PDE4D: variants seen among roughly 807,000 people sequenced by gnomAD.
PDE4D encodes the protein phosphodiesterase 4D.
A neutral mutation model predicts 87.4 loss-of-function variants in PDE4D; 24 were observed. That is an observed-to-expected ratio of 0.27 (90% CI 0.20 to 0.39). The LOEUF (loss-of-function observed/expected upper bound fraction) is 0.39. PDE4D is among the 10% of genes least tolerant of loss of function. The pLI, the probability that PDE4D is intolerant of heterozygous loss-of-function variation, is 1.00. For missense variants in PDE4D, 714 were observed against 1,041.0 expected, an observed-to-expected ratio of 0.69 and a Z score of 4.32; for synonymous variants, 384 against 383.2, an observed-to-expected ratio of 1.00 and a Z score of -0.02.
intron 5 of PDE4D, among the ~76,000 whole-genome samples, chr5:59,077,475 CTT>C (rs33910828): frequency 6.4e-4 from 84 of 130,912 alleles, no homozygotes; most frequent in East Asian, 5.1e-3. Flanking sequence ...TTTTTTTCTT[CTT>C]TTTTTTTTTT....
chr5:59,168,290 A>T (rs996577658), intron 5 of PDE4D, among the ~76,000 whole-genome samples: 1 of 152,174 alleles, frequency 6.6e-6, no homozygotes, highest in Non-Finnish European at 1.5e-5. Flanking sequence ...CTGCCCTTTC[A>T]GGCCTTCGTG....
At chr5:60,069,400 C>G (rs1397420201) in intron 2 of PDE4D, among the ~76,000 whole-genome samples, 2 of 152,148 alleles carry the variant, frequency 1.3e-5, no homozygotes, top group Admixed American at 1.3e-4. Context: ...TTTTGGAATT[C>G]CAAACTTCTG....
At chr5:60,316,741 A>G (rs1159663378) in intron 1 of PDE4D, among the ~76,000 whole-genome samples, 1 of 152,178 alleles carries the variant, frequency 6.6e-6, no homozygotes, top group Non-Finnish European at 1.5e-5. Flanking sequence ...ATCTATTGAG[A>G]TAATCATATG....
chr5:59,258,402 C>G (rs1761369292), intron 1 of PDE4D, among the ~76,000 whole-genome samples: 1 of 151,644 alleles, frequency 6.6e-6, no homozygotes, highest in Admixed American at 6.6e-5. Flanking sequence ...TTGGTAAGCT[C>G]CAGGAAGGGA....
At chr5:60,228,508 C>T (rs1221176201) in intron 1 of PDE4D, among the ~76,000 whole-genome samples, 3 of 151,240 alleles carry the variant, frequency 2.0e-5, no homozygotes, top group Admixed American at 1.3e-4. Flanking sequence ...GGGTGCCCCC[C>T]AATGAGCTGT....
intron 4 of PDE4D, among the ~76,000 whole-genome samples, chr5:59,183,308 G>A (rs1311086367): frequency 6.6e-6 from 1 of 152,194 alleles, no homozygotes; most frequent in Admixed American, 6.5e-5. Context: ...ACAAGGCAGA[G>A]AGGAAGTTCA....
chr5:59,458,137 T>C lies in PDE4D; in HGVS notation c.456-242169A>G, dbSNP rs141591515. 1.3e-3 allele frequency among the ~76,000 whole-genome samples: 194 copies of C among 152,342 alleles called. 1 individual carries two copies. Among genetic ancestry groups the C allele is most frequent in the African/African-American group, 4.5e-3 (189 of 41,584 alleles). On this transcript the variant is annotated intron_variant, in intron 1 of 14. Transcript: ENST00000340635. ...TCAGCCATTCTGTGGTTTTGATACA[T>C]AGTGCTGAAATCACATCTTTGATTC...
At chr5:60,107,960 G>A (rs1037102464) in intron 2 of PDE4D, among the ~76,000 whole-genome samples, 67 of 152,184 alleles carry the variant, frequency 4.4e-4, no homozygotes, top group Admixed American at 2.2e-3. Context: ...AGACAGGGAT[G>A]CCTTCTCTCA....
At chr5:60,363,232 T>C (rs973012096) in intron 1 of PDE4D, among the ~76,000 whole-genome samples, 2 of 152,246 alleles carry the variant, frequency 1.3e-5, no homozygotes, top group Non-Finnish European at 2.9e-5. Context: ...TAGATTATCA[T>C]ACAGTCTGAC....
chr5:59,109,949 G>A (rs999748061), intron 5 of PDE4D, among the ~76,000 whole-genome samples: 1 of 152,166 alleles, frequency 6.6e-6, no homozygotes, highest in Admixed American at 6.5e-5. Context: ...TGCTGCCCAT[G>A]GAGAGAGGGA....
intron 5 of PDE4D, among the ~76,000 whole-genome samples, chr5:59,089,922 A>C (rs1460882448): frequency 6.6e-6 from 1 of 152,126 alleles, no homozygotes. Flanking sequence ...GAGAGGAAAC[A>C]CTAGCACTAA....
intron 1 of PDE4D, among the ~76,000 whole-genome samples, chr5:59,497,289 GT>G (rs926042951): frequency 2.0e-5 from 3 of 151,508 alleles, no homozygotes; most frequent in African/African-American, 7.3e-5. Context: ...ATGTCAGAGT[GT>G]TTTACCACCT....
At chr5:60,332,218 T>C (rs1366470382) in intron 1 of PDE4D, among the ~76,000 whole-genome samples, 2 of 152,228 alleles carry the variant, frequency 1.3e-5, no homozygotes, top group East Asian at 1.9e-4. Context: ...CGAGTACATA[T>C]GCAGGTTTGT....
intron 1 of PDE4D, among the ~76,000 whole-genome samples, chr5:60,330,991 G>A (rs1757267789): frequency 6.6e-6 from 1 of 152,120 alleles, no homozygotes; most frequent in African/African-American, 2.4e-5. Flanking sequence ...AATAGTAAAG[G>A]TGAATAAATA....
chr5:60,177,242 A>G (rs1001887587), intron 2 of PDE4D, among the ~76,000 whole-genome samples: 1 of 152,096 alleles, frequency 6.6e-6, no homozygotes, highest in African/African-American at 2.4e-5. Flanking sequence ...GCTTGGTGGG[A>G]CAACAGGTGA....
At chr5:59,851,502 G>A (rs546598129) in intron 1 of PDE4D, among the ~76,000 whole-genome samples, 1 of 152,042 alleles carries the variant, frequency 6.6e-6, no homozygotes, top group Admixed American at 6.6e-5. Context: ...TTCAGGCCTT[G>A]TGTAATTTCC....
chr5:59,215,297 A>G (rs1259397816), intron 2 of PDE4D, among the ~76,000 whole-genome samples: 1 of 152,210 alleles, frequency 6.6e-6, no homozygotes, highest in East Asian at 1.9e-4. Context: ...AAGATTTCTT[A>G]AATGATCTGG....
At chr5:59,365,747 GCAAAC>G (rs1782940792) in intron 1 of PDE4D, among the ~76,000 whole-genome samples, 1 of 152,112 alleles carries the variant, frequency 6.6e-6, no homozygotes, top group Non-Finnish European at 1.5e-5. Context: ...TACAAAACTT[GCAAAC>G]CAGCAAGAAT....
At chr5:59,586,398 A>C (rs866939899) in intron 1 of PDE4D, 1 of 1,609,320 alleles carries the variant, frequency 6.2e-7, no homozygotes, top group Middle Eastern at 1.7e-4. Context: ...TCTGTCATTA[A>C]TATTTTTCTT....
Sources: allele counts gnomAD v4.1 joint callset (sites outside exome capture counted in the v4.1 genomes callset), GRCh38; gene constraint gnomAD v4.1.1; transcripts MANE v1.5; gene names NCBI Gene and HGNC (gene_info 2026-07-23, HGNC 2026-07-21).